Variants in TNIK observed in about 807,000 individuals in gnomAD.
TNIK encodes the protein TRAF2 and NCK interacting kinase, also known as TRAF2 and NCK-interacting protein kinase.
In TNIK, 49 loss-of-function variants were observed where a neutral mutation model predicts 191.3. The observed-to-expected ratio is 0.26, with a 90% CI of 0.20 to 0.32. TNIK has a LOEUF of 0.32. Ranked by LOEUF, TNIK falls within the 10% of genes least tolerant of loss-of-function variation. The probability of loss-of-function intolerance (pLI) is 1.00; values close to 1 mark genes in which losing one functional copy is unlikely to be tolerated. For missense variants in TNIK, 1,155 were observed against 1,702.3 expected, an observed-to-expected ratio of 0.68 and a Z score of 5.66; for synonymous variants, 594 against 600.9, an observed-to-expected ratio of 0.99 and a Z score of 0.17.
At chr3:171,376,362 G>C (rs1213754355) in intron 1 of TNIK, among the ~76,000 whole-genome samples, 2 of 152,174 alleles carry the variant, frequency 1.3e-5, no homozygotes, top group East Asian at 3.9e-4. Flanking sequence ...TTCTAAAGCA[G>C]TAGAGGTTTG....
intron 4 of TNIK, among the ~76,000 whole-genome samples, chr3:171,208,476 A>AT (rs946239212): frequency 2.6e-5 from 4 of 152,176 alleles, no homozygotes; most frequent in East Asian, 1.9e-4. Context: ...GTTACTACGT[A>AT]TTTTTTCCAC....
Position 171,101,431 on chromosome 3 carries a change from T to A in TNIK, c.2591+18A>T, listed in dbSNP as rs767005816. ...CCTAGTCCCCTCCCGGTCTACACTT[T>A]AAAAGTAGTTCTCTTACATCAGTCT... On this transcript the variant is annotated intron_variant, in intron 22 of 32. Transcript: ENST00000436636. The A allele has an allele frequency of 1.3e-6, 2 of 1,587,058 alleles. No homozygotes were observed. The highest frequency in any genetic ancestry group is 3.8e-5 in the Admixed American group (2 of 52,258).
intron 1 of TNIK, among the ~76,000 whole-genome samples, chr3:171,404,268 A>G (rs1476031422): frequency 2.6e-5 from 4 of 152,082 alleles, no homozygotes; most frequent in African/African-American, 9.7e-5. Context: ...TGTCAGTGTG[A>G]CTCCTCAGTC....
intron 1 of TNIK, among the ~76,000 whole-genome samples, chr3:171,429,945 A>AAGC (rs200816078): frequency 5.3e-5 from 8 of 152,212 alleles, no homozygotes; most frequent in East Asian, 3.9e-4. Context: ...GTGATCCTGA[A>AAGC]AGCAGCAGCA....
intron 2 of TNIK, among the ~76,000 whole-genome samples, chr3:171,255,290 G>A (rs760555898): frequency 5.3e-5 from 8 of 152,156 alleles, no homozygotes; most frequent in Non-Finnish European, 8.8e-5. Context: ...GAACCAAAAA[G>A]ATTCTTGAAA....
chr3:171,066,844 C>G (rs1718502578), intron 30 of TNIK, 109 bp from the exon 31 acceptor site: 2 of 1,323,452 alleles, frequency 1.5e-6, no homozygotes, highest in Non-Finnish European at 2.0e-6. Flanking sequence ...TCATTGTCAC[C>G]CTAAAGACTG....
chr3:171,144,048 T>C (rs1235169457), intron 12 of TNIK, among the ~76,000 whole-genome samples: 1 of 152,176 alleles, frequency 6.6e-6, no homozygotes, highest in African/African-American at 2.4e-5. Flanking sequence ...TTATTCAAAT[T>C]ATACATAATG....
chr3:171,145,054 G>A (rs570551999), intron 12 of TNIK, among the ~76,000 whole-genome samples: 1 of 150,946 alleles, frequency 6.6e-6, no homozygotes, highest in East Asian at 1.9e-4. Flanking sequence ...TGTGAATAGT[G>A]CTGCAATAAA....
chr3:171,427,909 T>G (rs1335055197), intron 1 of TNIK, among the ~76,000 whole-genome samples: 2 of 152,130 alleles, frequency 1.3e-5, no homozygotes, highest in African/African-American at 4.8e-5. Context: ...AAGCAGGTAT[T>G]TGGAGAAGAG....
At chr3:171,383,773 G>A (rs1382513251) in intron 1 of TNIK, among the ~76,000 whole-genome samples, 1 of 152,178 alleles carries the variant, frequency 6.6e-6, no homozygotes, top group Non-Finnish European at 1.5e-5. Context: ...GTTTCAGCCA[G>A]GCCACAGAAT....
intron 2 of TNIK, among the ~76,000 whole-genome samples, chr3:171,318,729 C>T (rs1754889163): frequency 1.3e-5 from 2 of 152,030 alleles, no homozygotes; most frequent in South Asian, 2.1e-4. Flanking sequence ...CTTAAACCTC[C>T]TTTTATAAAC....
At chr3:171,090,212 G>A (rs931073446) in intron 23 of TNIK, among the ~76,000 whole-genome samples, 2 of 152,090 alleles carry the variant, frequency 1.3e-5, no homozygotes, top group Admixed American at 6.5e-5. Context: ...GCAGAGATTA[G>A]GGTAAGGAGA....
intron 18 of TNIK, among the ~76,000 whole-genome samples, chr3:171,111,919 GGA>G (rs1293796656): frequency 6.6e-6 from 1 of 152,210 alleles, no homozygotes; most frequent in African/African-American, 2.4e-5. Context: ...GATCTAGGAA[GGA>G]GAGAGAATGG....
At chr3:171,214,633 G>C (rs953875895) in intron 3 of TNIK, among the ~76,000 whole-genome samples, 48 of 152,230 alleles carry the variant, frequency 3.2e-4, no homozygotes, top group African/African-American at 1.1e-3. Flanking sequence ...AAATAAAGTA[G>C]TGGTACCAAA....
chr3:171,402,087 C>T (rs1721024185), intron 1 of TNIK, among the ~76,000 whole-genome samples: 1 of 152,216 alleles, frequency 6.6e-6, no homozygotes, highest in Non-Finnish European at 1.5e-5. Flanking sequence ...CTTCCATTAA[C>T]TTAGTTTTGA....
chr3:171,418,733 G>T (rs757255882), intron 1 of TNIK, among the ~76,000 whole-genome samples: 8 of 152,132 alleles, frequency 5.3e-5, no homozygotes, highest in Non-Finnish European at 7.4e-5. Context: ...TTGATGAATA[G>T]ATAAACAAGA....
At chr3:171,428,294 CA>C (rs1245520652) in intron 1 of TNIK, among the ~76,000 whole-genome samples, 1 of 151,924 alleles carries the variant, frequency 6.6e-6, no homozygotes, top group East Asian at 1.9e-4. Flanking sequence ...GATAAAATAC[CA>C]AAAAGGTTTT....
intron 23 of TNIK, among the ~76,000 whole-genome samples, chr3:171,089,281 A>G (rs1296981877): frequency 6.6e-6 from 1 of 152,196 alleles, no homozygotes; most frequent in Non-Finnish European, 1.5e-5. Context: ...CTCAGAGTTG[A>G]GCATTTCCTT....
At chr3:171,399,922 A>C (rs1038804965) in intron 1 of TNIK, among the ~76,000 whole-genome samples, 113 of 152,326 alleles carry the variant, frequency 7.4e-4, no homozygotes, top group African/African-American at 2.6e-3. Context: ...AAATCAAAGC[A>C]GAAAGGAGTA....
Sources: gnomAD v4.1 joint callset for allele counts (sites outside exome capture counted in the v4.1 genomes callset) on GRCh38, gnomAD v4.1.1 for gene constraint, MANE v1.5 for transcripts, NCBI Gene and HGNC (gene_info 2026-07-23, HGNC 2026-07-21) for gene names.